The following KANK1 variants were observed in gnomAD, a reference collection of about 807,000 sequenced individuals.
The protein encoded by KANK1 is KN motif and ankyrin repeat domains 1.
In KANK1, 109 loss-of-function variants were observed where a neutral mutation model predicts 106.2. That is an observed-to-expected ratio of 1.03 (90% CI 0.88 to 1.20). KANK1 has a LOEUF of 1.20. KANK1 is among the 50% of genes most tolerant of loss of function. The probability of loss-of-function intolerance (pLI) is 0.00; values close to 1 mark genes in which losing one functional copy is unlikely to be tolerated. For synonymous variants in KANK1, 873 were observed against 652.2 expected (o/e 1.34, Z -5.16); for missense variants, 2,399 against 1,710.7 (o/e 1.40, Z -7.10).
chr9:734,844 G>A lies in KANK1; in HGVS notation c.3333+9G>A. On this transcript the variant is annotated intron_variant, in intron 7 of 11. Transcript: ENST00000382297. ...TGACCAGCAAAGATATGGTGAGTCTGACCTGCAAACACCATCCCCAGTGTG... is the reference window on the plus strand; with the variant it reads ...TGACCAGCAAAGATATGGTGAGTCTAACCTGCAAACACCATCCCCAGTGTG... 1 of 1,600,998 alleles carries A rather than the reference G, an allele frequency of 6.2e-7. No homozygotes were observed.
chr9:709,610 C>CT (rs60899850), intron 2 of KANK1, among the ~76,000 whole-genome samples: 1,509 of 137,014 alleles, frequency 0.011, 6 homozygotes, highest in Non-Finnish European at 0.016. Context: ...GCTTTCATGT[C>CT]TTTTTTTTTT....
chr9:500,441 G>A (rs965667935), upstream of KANK1, among the ~76,000 whole-genome samples: 1 of 152,188 alleles, frequency 6.6e-6, no homozygotes, highest in African/African-American at 2.4e-5. Context: ...TTCAGTTGAT[G>A]AGCAAGTTGG....
intron 1 of KANK1, among the ~76,000 whole-genome samples, chr9:567,913 C>G (rs1818208494): frequency 1.3e-5 from 2 of 152,084 alleles, no homozygotes; most frequent in South Asian, 2.1e-4. Flanking sequence ...ATTTTTAAAA[C>G]TGGCTCCAAA....
intron 1 of KANK1, among the ~76,000 whole-genome samples, chr9:592,797 G>C (rs1825294636): frequency 6.6e-6 from 1 of 151,884 alleles, no homozygotes; most frequent in East Asian, 1.9e-4. Flanking sequence ...TTATTAGAGA[G>C]TCCTTACTCA....
At chr9:506,516 A>G (rs780265997) in intron 1 of KANK1, among the ~76,000 whole-genome samples, 13 of 144,236 alleles carry the variant, frequency 9.0e-5, no homozygotes, top group Non-Finnish European at 1.5e-4. Context: ...CCTCAGCGAA[A>G]GTGAGTTCTG....
intron 1 of KANK1, among the ~76,000 whole-genome samples, chr9:658,518 A>T (rs979321443): frequency 1.3e-5 from 2 of 151,966 alleles, no homozygotes; most frequent in African/African-American, 4.8e-5. Flanking sequence ...GTCAATTTTT[A>T]TTTCTATGGC....
chr9:676,892 T>C lies in KANK1; in HGVS notation c.-81T>C. 1 of 1,085,562 alleles carries C rather than the reference T, an allele frequency of 9.2e-7. No individual in the cohort carries two copies. The allele number at this position is 1,085,562 out of a possible 1,614,324, so 67.2% of individuals were successfully genotyped here. A position where few individuals can be genotyped will look rare whatever the true frequency, so the allele number is the denominator to read the frequency against. On this transcript the variant is annotated splice_region_variant and 5_prime_UTR_variant, in exon 2 of 12. Coordinates refer to ENST00000382297, the MANE Select transcript of KANK1 (RefSeq NM_015158.5). ...TGGGGCTCTCTTTATTGTTTCAGGT[T>C]GAATGCCTTTGAGAACTTGATGCAT...
intron 1 of KANK1, among the ~76,000 whole-genome samples, chr9:661,109 AT>A (rs1381861752): frequency 1.3e-5 from 2 of 152,016 alleles, no homozygotes; most frequent in Non-Finnish European, 2.9e-5. Context: ...TCCAGTTTTA[AT>A]GTTATGTGTA....
chr9:557,187 G>GA (rs2061644413), intron 1 of KANK1, among the ~76,000 whole-genome samples: 1 of 78,500 alleles, frequency 1.3e-5, no homozygotes, highest in African/African-American at 4.1e-5. Context: ...TGTCTCAAAA[G>GA]GAAAAAAAAA....
intron 3 of KANK1, among the ~76,000 whole-genome samples, chr9:494,944 G>A (rs981721913): frequency 6.6e-6 from 1 of 152,172 alleles, no homozygotes; most frequent in African/African-American, 2.4e-5. Flanking sequence ...AAAGTACATA[G>A]ACCGTGAACA....
At chr9:658,996 T>C (rs1435642428) in intron 1 of KANK1, among the ~76,000 whole-genome samples, 1 of 151,912 alleles carries the variant, frequency 6.6e-6, no homozygotes, top group African/African-American at 2.4e-5. Flanking sequence ...TCTGTTATTC[T>C]CACTCAACAC....
chr9:697,883 C>T (rs375166411), intron 2 of KANK1, among the ~76,000 whole-genome samples: 25 of 152,124 alleles, frequency 1.6e-4, no homozygotes, highest in African/African-American at 5.5e-4. Flanking sequence ...AACTGGTAGG[C>T]GGAGGGTGTT....
intron 1 of KANK1, among the ~76,000 whole-genome samples, chr9:664,688 A>G (rs1328637969): frequency 6.6e-6 from 1 of 152,148 alleles, no homozygotes; most frequent in Non-Finnish European, 1.5e-5. Context: ...TTAGAGAAAT[A>G]CTCAGTAGTG....
chr9:737,464 G>A (rs369907462), intron 7 of KANK1, among the ~76,000 whole-genome samples: 1 of 152,176 alleles, frequency 6.6e-6, no homozygotes, highest in Non-Finnish European at 1.5e-5. Context: ...AAGGCCCATT[G>A]AAAAGACACT....
At chr9:569,357 C>G (rs982008548) in intron 1 of KANK1, among the ~76,000 whole-genome samples, 1 of 152,066 alleles carries the variant, frequency 6.6e-6, no homozygotes, top group Non-Finnish European at 1.5e-5. Flanking sequence ...AGAGGTGGCT[C>G]TGCCCTCATG....
intron 1 of KANK1, among the ~76,000 whole-genome samples, chr9:515,438 A>ACT (rs140357490): frequency 0.1 from 14,810 of 144,754 alleles, 1,124 homozygotes; most frequent in South Asian, 0.21. Flanking sequence ...GTTTCTCTAC[A>ACT]CATTTATTGT....
chr9:704,695 C>T (rs1388137075), intron 2 of KANK1, among the ~76,000 whole-genome samples: 1 of 152,062 alleles, frequency 6.6e-6, no homozygotes, highest in East Asian at 1.9e-4. Flanking sequence ...AAGACAAATG[C>T]CCAGGCCAGG....
chr9:525,717 T>G (rs2059760816), intron 1 of KANK1, among the ~76,000 whole-genome samples: 1 of 151,620 alleles, frequency 6.6e-6, no homozygotes, highest in Non-Finnish European at 1.5e-5. Context: ...TAATAAGTGT[T>G]GCATTTTTAT....
chr9:579,060 C>T (rs1483418792), intron 1 of KANK1, among the ~76,000 whole-genome samples: 1 of 152,176 alleles, frequency 6.6e-6, no homozygotes, highest in Non-Finnish European at 1.5e-5. Flanking sequence ...GCAGAGTATT[C>T]CGCATGCAAG....
Sources: allele counts gnomAD v4.1 joint callset (sites outside exome capture counted in the v4.1 genomes callset), GRCh38; gene constraint gnomAD v4.1.1; transcripts MANE v1.5; gene names NCBI Gene and HGNC (gene_info 2026-07-23, HGNC 2026-07-21).